Variants in ZNF320 observed in about 807,000 individuals in gnomAD.
ZNF320 encodes zinc finger gene 320.
In ZNF320, 2 loss-of-function variants were observed where a neutral mutation model predicts 6.8. That is an observed-to-expected ratio of 0.29 (90% confidence interval 0.12 to 0.93). The LOEUF is 0.93. Among genes scored for constraint, ZNF320 ranks in the 40% least tolerant of loss-of-function variants. ZNF320 has a pLI of 0.55. For synonymous variants in ZNF320, 208 were observed against 203.2 expected (o/e 1.02, Z -0.20); for missense variants, 472 against 611.0 (o/e 0.77, Z 2.40).
Position 52,878,343 on chromosome 19 carries a change from C to T in ZNF320, c.*2253G>A. On this transcript the variant is annotated 3_prime_UTR_variant, in exon 6 of 6. Transcript: ENST00000682928. Reference sequence around the variant, plus strand: ...CTGCTCATGGCAAGCTCCACCTCCTCGGTTCATGCCATTCTCCTGCCTCAG... The same window carrying T: ...CTGCTCATGGCAAGCTCCACCTCCTTGGTTCATGCCATTCTCCTGCCTCAG... The T allele has an allele frequency of 6.7e-6, 1 of 149,618 alleles. No individual in the cohort carries two copies. Among genetic ancestry groups the T allele is most frequent in the East Asian group, 2.0e-4 (1 of 5,000 alleles). 9.3% of individuals were successfully genotyped at this position (149,618 alleles called of 1,614,324 possible).
At position 52,886,067 on chromosome 19, in the gene ZNF320, ACT is replaced by A. The variant is rs200981107; in HGVS notation, c.142+2058_142+2059del. On this transcript the variant is annotated intron_variant, in intron 5 of 5. Transcript: ENST00000682928. ...CAGAAATGCAACATACACAAAAATAACTCTGACAAAAATAAAAAAGTTCTACT... is the reference window on the plus strand; with the variant it reads ...CAGAAATGCAACATACACAAAAATAACTGACAAAAATAAAAAAGTTCTACT... 9.3e-3 allele frequency among the ~76,000 whole-genome samples: 1,408 copies of A among 152,126 alleles called. 18 individuals are homozygous for A. The highest frequency in any genetic ancestry group is 0.032 in the African/African-American group (1,313 of 41,510).
intron 5 of ZNF320, among the ~76,000 whole-genome samples, chr19:52,865,751 TTA>T (rs1334309107): frequency 1.5e-3 from 193 of 126,016 alleles, no homozygotes; most frequent in Middle Eastern, 6.2e-3. Context: ...ACACATATAT[TTA>T]TATATATGAT....
At chr19:52,863,183 C>T (rs1042993467) in exon 6 of ZNF320, among the ~76,000 whole-genome samples, 2 of 152,008 alleles carry the variant, frequency 1.3e-5, no homozygotes, top group African/African-American at 4.8e-5. Flanking sequence ...TGGTCTCGAA[C>T]TCCTTACTGC....
chr19:52,895,036 A>C (rs565963300), intron 1 of ZNF320: 1 of 152,368 alleles, frequency 6.6e-6, no homozygotes, highest in Admixed American at 6.5e-5. Flanking sequence ...CAACATCTGC[A>C]AGGAATATTA....
chr19:52,862,124 T>A (rs2063489915), exon 6 of ZNF320: 1 of 384,088 alleles, frequency 2.6e-6, no homozygotes, highest in Admixed American at 3.3e-5. Flanking sequence ...GATTCTCCAA[T>A]GATTTGCAAC....
At chr19:52,875,807 A>G (rs937306245), downstream of ZNF320, among the ~76,000 whole-genome samples, 1 of 152,092 alleles carries the variant, frequency 6.6e-6, no homozygotes, top group African/African-American at 2.4e-5. Flanking sequence ...AAATTCCAGG[A>G]CAATTTTATA....
chr19:52,889,128 G>T (rs1383931758), intron 4 of ZNF320, among the ~76,000 whole-genome samples: 5 of 151,742 alleles, frequency 3.3e-5, no homozygotes, highest in Non-Finnish European at 7.4e-5. Context: ...AGTTTGCAGT[G>T]AGCCGAGAAA....
At chr19:52,866,765 T>TACTC (rs755661527) in intron 5 of ZNF320, among the ~76,000 whole-genome samples, 1 of 151,420 alleles carries the variant, frequency 6.6e-6, no homozygotes, top group Non-Finnish European at 1.5e-5. Context: ...AGCTACTCAG[T>TACTC]TGGCCGAGGC....
At chr19:52,875,880 T>C (rs150806969), downstream of ZNF320, among the ~76,000 whole-genome samples, 34 of 152,308 alleles carry the variant, frequency 2.2e-4, no homozygotes, top group African/African-American at 7.2e-4. Flanking sequence ...ATCCTAAACA[T>C]GTAATTATTT....
chr19:52,870,900 C>T (rs2063669305), intron 5 of ZNF320, among the ~76,000 whole-genome samples: 1 of 152,172 alleles, frequency 6.6e-6, no homozygotes, highest in South Asian at 2.1e-4. Context: ...GTAATCCCAG[C>T]ACTTTGGGAG....
At chr19:52,862,539 C>A (rs2063491875) in exon 6 of ZNF320, 1 of 357,608 alleles carries the variant, frequency 2.8e-6, no homozygotes. Context: ...CAATGATTTG[C>A]AAGTGTTGTA....
chr19:52,871,201 T>C (rs773174010), downstream of ZNF320, among the ~76,000 whole-genome samples: 6 of 152,118 alleles, frequency 3.9e-5, no homozygotes, highest in Non-Finnish European at 5.9e-5. Flanking sequence ...ATGCCTATCA[T>C]TCAAGCTCTT....
In ZNF320 at chr19:52,881,402, C is replaced by T. The variant is rs2063914595; in HGVS notation, c.724G>A (p.Glu242Lys). 6.2e-7 allele frequency: 1 copy of T among 1,613,930 alleles called. No individual in the cohort carries two copies. Among genetic ancestry groups the T allele is most frequent in the Non-Finnish European group, 8.5e-7 (1 of 1,180,022 alleles). The change falls in exon 6 of 6, where the codon GAG becomes AAG. Residue 242 changes from glutamate (E) to lysine (K), a missense_variant. This residue lies in a region of ZNF320 where 462 missense variants were observed against 559.7 expected (regional missense o/e 0.83). Transcript: ENST00000682928. ...CACTCATTACACTTATAAGGTTTCT[C>T]TCCAGTATGACTTCTATGATGACAT... ...LACHHRSHTG[E>K]KPYKCNECGK...
intron 2 of ZNF320, among the ~76,000 whole-genome samples, chr19:52,891,769 C>T (rs1207611605): frequency 6.6e-6 from 1 of 152,144 alleles, no homozygotes; most frequent in Non-Finnish European, 1.5e-5. Context: ...ATGTGACCTG[C>T]TTTACATTTA....
rs1337130087 is a variant in ZNF320 at position 52,866,114 on chromosome 19, ATTTATATATG to A, written c.224-1965_224-1956del. Among the ~76,000 whole-genome samples, 2 of 66,944 alleles carry A rather than the reference ATTTATATATG, an allele frequency of 3.0e-5. 1 individual carries two copies. Among genetic ancestry groups the A allele is most frequent in the East Asian group, 6.0e-4 (2 of 3,346 alleles). The allele number at this position is 66,944 out of a possible 152,430, so 43.9% of individuals were successfully genotyped here. Reference sequence around the variant, plus strand: ...TTTATATATGTATGATTATACATATATTTATATATGTATGATTATACATATATTTATATAT... The same window carrying A: ...TTTATATATGTATGATTATACATATATATGATTATACATATATTTATATAT... On this transcript the variant is annotated intron_variant, in intron 5 of 5. Transcript: ENST00000673631.
In ZNF320 at chr19:52,880,554, A is replaced by G. The variant is rs746493857; in HGVS notation, c.*42T>C. 5.2e-6 allele frequency: 8 copies of G among 1,531,174 alleles called. No homozygotes were observed. In the South Asian group the frequency reaches 1.0e-4, roughly 19 times the overall value. The allele number at this position is 1,531,174 out of a possible 1,614,324, so 94.8% of individuals were successfully genotyped here. On this transcript the variant is annotated 3_prime_UTR_variant, in exon 6 of 6. Coordinates refer to ENST00000682928, the MANE Select transcript of ZNF320 (RefSeq NM_001351774.2). ...TCGATTAATGCTTGAAATCAATGTT[A>G]AGTCAACTCAAACTCAGGTCAATGC...
rs57009393 is a variant in ZNF320, at chr19:52,865,167, C to A, written c.224-1008G>T. Among the ~76,000 whole-genome samples the A allele has an allele frequency of 4.9e-3, 750 of 151,656 alleles. 8 individuals carry two copies. The highest frequency in any genetic ancestry group is 0.015 in the African/African-American group (637 of 41,276). On this transcript the variant is annotated intron_variant, in intron 5 of 5. Transcript: ENST00000673631. ...TGAAACAACGTCGCTACTAAAAATA[C>A]AAAAATGAGCTGGGTGTGGTCGTGG...
upstream of ZNF320, among the ~76,000 whole-genome samples, chr19:52,899,005 T>C (rs2064550688): frequency 6.6e-6 from 1 of 152,246 alleles, no homozygotes; most frequent in Non-Finnish European, 1.5e-5. Context: ...TTATTTCTTC[T>C]TTTTGAGAGT....
chr19:52,902,271 C>T (rs1485773446), upstream of ZNF320, among the ~76,000 whole-genome samples: 1 of 152,170 alleles, frequency 6.6e-6, no homozygotes, highest in Admixed American at 6.5e-5. Flanking sequence ...GGAAGGCCCT[C>T]GGGGGCTGAT....
Sources: allele counts gnomAD v4.1 joint callset (sites outside exome capture counted in the v4.1 genomes callset), GRCh38; gene constraint gnomAD v4.1.1; regional missense constraint gnomAD v4.1.1; transcripts MANE v1.5; gene names NCBI Gene and HGNC (gene_info 2026-07-23, HGNC 2026-07-21).